PALLD: variants seen among roughly 807,000 people sequenced by gnomAD.
PALLD encodes the protein palladin, cytoskeletal associated protein.
A neutral mutation model predicts 123.5 loss-of-function variants in PALLD; 61 were observed. The observed-to-expected ratio is 0.49, with a 90% CI of 0.40 to 0.61. The LOEUF (loss-of-function observed/expected upper bound fraction) is 0.61, where lower values mean the gene tolerates loss of function less well. Among genes scored for constraint, PALLD ranks in the 20% least tolerant of loss-of-function variants. The pLI is 0.00. For synonymous variants in PALLD, 465 were observed against 496.4 expected (o/e 0.94, Z 0.84); for missense variants, 1,273 against 1,377.0 (o/e 0.92, Z 1.20).
intron 10 of PALLD, among the ~76,000 whole-genome samples, chr4:168,728,914 A>G (rs1030989711): frequency 6.6e-6 from 1 of 151,976 alleles, no homozygotes; most frequent in Non-Finnish European, 1.5e-5. Context: ...GCCTTTGTGG[A>G]TGCCTTTTAT....
In PALLD at chr4:168,692,855, C is replaced by T. The variant is rs139113605; in HGVS notation, c.1501+1563C>T. Among the ~76,000 whole-genome samples, 116 of 152,292 alleles carry T rather than the reference C, an allele frequency of 7.6e-4. 1 individual carries two copies. Among genetic ancestry groups the T allele is most frequent in the Admixed American group, 1.6e-3 (24 of 15,292 alleles). Reference sequence around the variant, plus strand: ...TGTTGTTATACGTTGTCATCATGCACATAGGTGATGATGATTTATCAAATG... The same window carrying T: ...TGTTGTTATACGTTGTCATCATGCATATAGGTGATGATGATTTATCAAATG... On this transcript the variant is annotated intron_variant, in intron 8 of 21. Transcript: ENST00000505667.
intron 10 of PALLD, chr4:168,831,920 G>A (rs1185469768): frequency 3.8e-6 from 3 of 780,434 alleles, no homozygotes; most frequent in Non-Finnish European, 4.7e-6. Flanking sequence ...ACGAGTGGGT[G>A]CGGGGAAGCC....
intron 8 of PALLD, among the ~76,000 whole-genome samples, chr4:168,696,613 A>T (rs1783151523): frequency 6.6e-6 from 1 of 152,168 alleles, no homozygotes; most frequent in Non-Finnish European, 1.5e-5. Flanking sequence ...ATGTAAAACA[A>T]AAACAAACAA....
chr4:168,714,306 C>A (rs1785130126), intron 10 of PALLD, among the ~76,000 whole-genome samples: 1 of 152,118 alleles, frequency 6.6e-6, no homozygotes, highest in Non-Finnish European at 1.5e-5. Flanking sequence ...TCAAAGTTTT[C>A]TTTCAGTGTT....
intron 10 of PALLD, among the ~76,000 whole-genome samples, chr4:168,819,558 C>T (rs1050485673): frequency 2.0e-5 from 3 of 152,206 alleles, no homozygotes; most frequent in African/African-American, 4.8e-5. Context: ...AAACTGTTCT[C>T]ACAAAGAGCA....
chr4:168,503,565 T>C (rs1427449311), intron 1 of PALLD, among the ~76,000 whole-genome samples: 1 of 148,926 alleles, frequency 6.7e-6, no homozygotes, highest in Non-Finnish European at 1.5e-5. Flanking sequence ...GAGAATGGTG[T>C]GAACCTGGGA....
chr4:168,839,708 A>G (rs1253718716), intron 10 of PALLD, among the ~76,000 whole-genome samples: 2 of 152,178 alleles, frequency 1.3e-5, no homozygotes, highest in Non-Finnish European at 2.9e-5. Context: ...AGTTTTGAAC[A>G]TTCCAAGTGG....
intron 2 of PALLD, among the ~76,000 whole-genome samples, chr4:168,581,317 G>A (rs1770253216): frequency 6.6e-6 from 1 of 150,860 alleles, no homozygotes; most frequent in South Asian, 2.1e-4. Context: ...TTTTTTTTGA[G>A]CAACCTTCAT....
chr4:168,587,278 T>A (rs1324078345), intron 2 of PALLD, among the ~76,000 whole-genome samples: 1 of 152,196 alleles, frequency 6.6e-6, no homozygotes, highest in South Asian at 2.1e-4. Context: ...CAATCCCCAG[T>A]GGAGACATTC....
intron 10 of PALLD, among the ~76,000 whole-genome samples, chr4:168,732,225 G>A (rs1787246924): frequency 6.6e-6 from 1 of 152,184 alleles, no homozygotes. Flanking sequence ...TGTGTACAAA[G>A]AGTTTCCGAA....
intron 2 of PALLD, among the ~76,000 whole-genome samples, chr4:168,526,930 G>A (rs970103565): frequency 1.3e-5 from 2 of 152,192 alleles, no homozygotes; most frequent in African/African-American, 4.8e-5. Context: ...AAGAAGCAAT[G>A]AGAAAAGGCA....
chr4:168,530,675 G>A (rs1212607590), intron 2 of PALLD: 1 of 152,174 alleles, frequency 6.6e-6, no homozygotes, highest in Non-Finnish European at 1.5e-5. Flanking sequence ...TCACACTTAT[G>A]AGCTGAATAA....
At position 168,685,722 on chromosome 4, in the gene PALLD, G is replaced by A. The variant is rs7691375; in HGVS notation, c.1335+163G>A. 0.076 allele frequency among the ~76,000 whole-genome samples: 11,409 copies of A among 150,038 alleles called. 603 individuals are homozygous for A. Among genetic ancestry groups the A allele is most frequent in the African/African-American group, 0.16 (6,483 of 40,780 alleles). On this transcript the variant is annotated intron_variant, in intron 6 of 21. Coordinates refer to ENST00000505667, the MANE Select transcript of PALLD (RefSeq NM_001166108.2). The stretch of plus-strand genomic sequence containing the variant: ...AATAGATATTTGTTGAACGACTGCC[G>A]TGTGACTGTAATCTTGTGATGGGTT...
chr4:168,854,595 G>A (rs544883131), intron 10 of PALLD, among the ~76,000 whole-genome samples: 15 of 152,256 alleles, frequency 9.9e-5, no homozygotes, highest in African/African-American at 3.6e-4. Context: ...AGGTGCCGCC[G>A]CTCCTGCTGT....
intron 10 of PALLD, among the ~76,000 whole-genome samples, chr4:168,736,249 T>TA (rs1787745604): frequency 6.6e-6 from 1 of 152,238 alleles, no homozygotes; most frequent in Admixed American, 6.5e-5. Flanking sequence ...TTCTGGTATG[T>TA]ATACATACTT....
chr4:168,859,993 T>TA (rs780108073), intron 10 of PALLD, among the ~76,000 whole-genome samples: 6 of 152,080 alleles, frequency 3.9e-5, no homozygotes, highest in Non-Finnish European at 2.9e-5. Flanking sequence ...ACTTGACACT[T>TA]ACAACACGTC....
intron 2 of PALLD, among the ~76,000 whole-genome samples, chr4:168,609,445 TCCAA>T: frequency 6.7e-6 from 1 of 149,776 alleles, no homozygotes; most frequent in Non-Finnish European, 1.5e-5. Flanking sequence ...TTCAGAAATG[TCCAA>T]CCAACAGATG....
intron 2 of PALLD, among the ~76,000 whole-genome samples, chr4:168,617,606 G>T (rs1774353237): frequency 6.6e-6 from 1 of 152,182 alleles, no homozygotes; most frequent in East Asian, 1.9e-4. Flanking sequence ...TATAGGCAGA[G>T]TCAGACTCCC....
chr4:168,639,549 T>TA (rs1776691818), intron 2 of PALLD, among the ~76,000 whole-genome samples: 3 of 151,804 alleles, frequency 2.0e-5, no homozygotes, highest in Admixed American at 2.0e-4. Flanking sequence ...TTCAACTTTT[T>TA]TTTTTTTTTT....
Sources: allele counts gnomAD v4.1 joint callset (sites outside exome capture counted in the v4.1 genomes callset), GRCh38; gene constraint gnomAD v4.1.1; transcripts MANE v1.5; gene names NCBI Gene and HGNC (gene_info 2026-07-23, HGNC 2026-07-21).